The following ZNF860 variants were observed in gnomAD, a reference collection of about 807,000 sequenced individuals.
ZNF860 encodes zinc finger protein 860.
For synonymous variants in ZNF860, 206 were observed against 248.9 expected (o/e 0.83, Z 1.62); for missense variants, 641 against 759.2 (o/e 0.84, Z 1.83).
chr3:31,991,901 G>A (rs145476887), downstream of ZNF860, among the ~76,000 whole-genome samples: 191 of 151,852 alleles, frequency 1.3e-3, 1 homozygote, highest in African/African-American at 4.4e-3. Context: ...GCTCATGCCT[G>A]TAATCCCAGC....
Position 31,989,357 on chromosome 3 carries a change from A to C in ZNF860, c.278A>C (p.Glu93Ala), listed in dbSNP as rs1698990190. ...EVDTGTLERHESHHIGDFCFQ... is the reference protein window; with the variant it reads ...EVDTGTLERHASHHIGDFCFQ... ...GACACAGGGACATTAGAAAGACATG[A>C]AAGTCATCACATTGGAGATTTTTGC... The change falls in exon 2 of 2, where the codon GAA becomes GCA. Residue 93 changes from glutamate to alanine, a missense_variant. Coordinates refer to ENST00000360311, the MANE Select transcript of ZNF860 (RefSeq NM_001137674.3). 5 of 1,614,222 alleles carry C rather than the reference A, an allele frequency of 3.1e-6. No homozygotes were observed. Among genetic ancestry groups the C allele is most frequent in the Non-Finnish European group, 4.2e-6 (5 of 1,180,026 alleles).
In ZNF860 at chr3:31,989,065, G is replaced by A. The variant is rs1698984389; in HGVS notation, c.-15G>A. The A allele has an allele frequency of 3.7e-6, 6 of 1,613,884 alleles. No homozygotes were observed. In the South Asian group the frequency reaches 4.4e-5, roughly 12 times the overall value. ...GTGAAGGTCACACTGCAGCACTATTGATTTCTAAAGACTCATGTTACGTGA... is the reference window on the plus strand; with the variant it reads ...GTGAAGGTCACACTGCAGCACTATTAATTTCTAAAGACTCATGTTACGTGA... On this transcript the variant is annotated 5_prime_UTR_variant, in exon 2 of 2. Coordinates refer to ENST00000360311, the MANE Select transcript of ZNF860 (RefSeq NM_001137674.3).
intron 1 of ZNF860, among the ~76,000 whole-genome samples, chr3:31,982,628 A>G (rs1455907674): frequency 6.6e-6 from 1 of 150,560 alleles, no homozygotes; most frequent in East Asian, 2.0e-4. Flanking sequence ...GTAAATTACA[A>G]TTCCAGGTGC....
rs1007874767 is a variant in ZNF860 at position 31,990,094 on chromosome 3, G to A, written c.1015G>A (p.Glu339Lys). ...AAGACATAGGAGAATTCATACTGGAGAGAAACCATACAAATGTAAGGTTTG... is the reference window on the plus strand; with the variant it reads ...AAGACATAGGAGAATTCATACTGGAAAGAAACCATACAAATGTAAGGTTTG... The part of the protein sequence containing the change: ...LERHRRIHTG[E>K]KPYKCKVCEK... Residue 339 changes from glutamate (E) to lysine (K), a missense_variant, in exon 2 of 2, where the codon GAG (glutamate) becomes AAG (lysine). Transcript: ENST00000360311. 3 of 1,611,730 alleles carry A rather than the reference G, an allele frequency of 1.9e-6. No homozygotes were observed. Among genetic ancestry groups the A allele is most frequent in the Non-Finnish European group, 2.5e-6 (3 of 1,178,638 alleles).
In ZNF860 at chr3:31,990,986, T is replaced by G. The variant is rs755331382; in HGVS notation, c.*8T>G. On this transcript the variant is annotated 3_prime_UTR_variant, in exon 2 of 2. Coordinates refer to ENST00000360311, the MANE Select transcript of ZNF860 (RefSeq NM_001137674.3). ...GGCAAGGTCTTCAGTTAGAGGTCACTCCTTGCAAAACATCAGAAAATTCAT... is the reference window on the plus strand; with the variant it reads ...GGCAAGGTCTTCAGTTAGAGGTCACGCCTTGCAAAACATCAGAAAATTCAT... The G allele has an allele frequency of 1.3e-6, 2 of 1,559,318 alleles. No homozygotes were observed. Among genetic ancestry groups the G allele is most frequent in the East Asian group, 2.3e-5 (1 of 43,010 alleles).
At chr3:31,983,831 TA>T (rs1448250252) in intron 1 of ZNF860, among the ~76,000 whole-genome samples, 6 of 152,190 alleles carry the variant, frequency 3.9e-5, no homozygotes, top group Non-Finnish European at 1.5e-5. Flanking sequence ...GGAAAATACA[TA>T]ATAAGTTGGC....
At chr3:32,002,184 C>T in the ZNF860 span, among the ~76,000 whole-genome samples, 1 of 152,128 alleles carries the variant, frequency 6.6e-6, no homozygotes, top group African/African-American at 2.4e-5. Flanking sequence ...GCCCATTCAA[C>T]AGAAATTGCT....
downstream of ZNF860, among the ~76,000 whole-genome samples, chr3:31,995,848 A>G (rs1255460768): frequency 1.3e-5 from 2 of 152,174 alleles, no homozygotes; most frequent in East Asian, 3.9e-4. Context: ...CTATCCAGAG[A>G]TGAAGTGACA....
rs759495538 is a variant in ZNF860, at chr3:31,990,269, T to C, written c.1190T>C (p.Leu397Pro). 1 of 1,613,704 alleles carries C rather than the reference T, an allele frequency of 6.2e-7. No homozygotes were observed. Among genetic ancestry groups the C allele is most frequent in the South Asian group, 1.1e-5 (1 of 91,052 alleles). The change falls in exon 2 of 2, where the codon CTT (leucine) becomes CCT (proline). Residue 397 changes from leucine (L) to proline (P), a missense_variant. Transcript: ENST00000360311. Reference sequence around the variant, plus strand: ...CAAGCAATCCATGGTATAGGGAAACTTTATAAATGTAATGATTGTCACAAA... The same window carrying C: ...CAAGCAATCCATGGTATAGGGAAACCTTATAAATGTAATGATTGTCACAAA... ...HHQAIHGIGK[L>P]YKCNDCHKVF...
At chr3:31,993,628 G>A (rs1259680969), downstream of ZNF860, among the ~76,000 whole-genome samples, 3 of 151,862 alleles carry the variant, frequency 2.0e-5, no homozygotes, top group South Asian at 2.1e-4. Flanking sequence ...GGAAATACAA[G>A]TAAAACTACA....
At chr3:31,982,697 C>A (rs1246083804) in intron 1 of ZNF860, among the ~76,000 whole-genome samples, 1 of 152,012 alleles carries the variant, frequency 6.6e-6, no homozygotes, top group African/African-American at 2.4e-5. Flanking sequence ...AAATTTGAAG[C>A]CATTCAGAGC....
chr3:31,989,737 A>C lies in ZNF860; in HGVS notation c.658A>C (p.Lys220Gln). Residue 220 changes from lysine (K) to glutamine (Q), a missense_variant, in exon 2 of 2, where the codon AAA becomes CAA. Lys to Gln is a moderately conservative substitution (Grantham distance 53). Coordinates refer to ENST00000360311, the MANE Select transcript of ZNF860 (RefSeq NM_001137674.3). ...CTTCCATTCATCATTACTCACACTA[A>C]AACAGGAAGTACACATAAGAGAAAA... ...NFFHSSLLTL[K>Q]QEVHIREKSF... The C allele has an allele frequency of 6.2e-7, 1 of 1,614,170 alleles. No individual in the cohort carries two copies. Among genetic ancestry groups the C allele is most frequent in the Non-Finnish European group, 8.5e-7 (1 of 1,180,020 alleles).
intron 1 of ZNF860, among the ~76,000 whole-genome samples, chr3:31,984,159 C>T (rs1698901398): frequency 6.6e-6 from 1 of 152,164 alleles, no homozygotes; most frequent in Non-Finnish European, 1.5e-5. Flanking sequence ...TGCCTCACAG[C>T]TTCCCCAGTA....
At chr3:31,987,554 G>C (rs1336641796) in intron 1 of ZNF860, among the ~76,000 whole-genome samples, 5 of 152,188 alleles carry the variant, frequency 3.3e-5, no homozygotes, top group African/African-American at 1.2e-4. Context: ...GCTGGTTCTG[G>C]CTAGATCTAA....
Position 31,989,211 on chromosome 3 carries a change from G to A in ZNF860, c.132G>A (p.Thr44=), listed in dbSNP as rs545813324. The A allele has an allele frequency of 2.0e-5, 33 of 1,614,128 alleles. No homozygotes were observed. Among genetic ancestry groups the A allele is most frequent in the East Asian group, 4.5e-5 (2 of 44,882 alleles). ...SLEEWKCLDP[T]QRALYRAMML... is the part of the protein sequence containing the mutation. ...AGGAGTGGAAATGCCTGGACCCTAC[G>A]CAGAGGGCTTTATACAGGGCCATGA... The change falls in exon 2 of 2, where the codon ACG becomes ACA. Residue 44 remains threonine, a synonymous_variant. Transcript: ENST00000360311.
chr3:32,006,067 CCCAAG>C, the ZNF860 span, among the ~76,000 whole-genome samples: 1 of 152,118 alleles, frequency 6.6e-6, no homozygotes, highest in East Asian at 1.9e-4. Context: ...ACCTCAGCCT[CCCAAG>C]TAGCTGCGAT....
Position 31,988,997 on chromosome 3 carries a change from C to A in ZNF860, c.-83C>A. 1 of 1,540,772 alleles carries A rather than the reference C, an allele frequency of 6.5e-7. No homozygotes were observed. Among genetic ancestry groups the A allele is most frequent in the Non-Finnish European group, 8.8e-7 (1 of 1,133,192 alleles). ...ACGAAGTTTGTGATAATTTGTTTCT[C>A]GGAAACAGATAACTAATACAGAGCA... is the stretch of plus-strand genomic sequence containing the variant. On this transcript the variant is annotated 5_prime_UTR_variant, in exon 2 of 2. Transcript: ENST00000360311.
intron 1 of ZNF860, 116 bp downstream of exon 1, chr3:31,982,018 T>C (rs1698860181): frequency 6.6e-6 from 1 of 152,254 alleles, no homozygotes; most frequent in African/African-American, 2.4e-5. Context: ...TTCCTTAAAT[T>C]GAGTGTCCTA....
chr3:32,006,014 G>C, the ZNF860 span, among the ~76,000 whole-genome samples: 1 of 151,372 alleles, frequency 6.6e-6, no homozygotes, highest in Non-Finnish European at 1.5e-5. Flanking sequence ...GTACCATCTT[G>C]GCTCACTGCA....
Sources: gnomAD v4.1 joint callset for allele counts (sites outside exome capture counted in the v4.1 genomes callset) on GRCh38, gnomAD v4.1.1 for gene constraint, MANE v1.5 for transcripts, NCBI Gene and HGNC (gene_info 2026-07-23, HGNC 2026-07-21) for gene names.